Variants in ANK3 observed in about 807,000 individuals in gnomAD.
ANK3 encodes ankyrin 3.
A neutral mutation model predicts 370.9 loss-of-function variants in ANK3; 57 were observed. That is an observed-to-expected ratio of 0.15 (90% CI 0.12 to 0.19). ANK3 has a LOEUF of 0.19. Among genes scored for constraint, ANK3 ranks in the 10% least tolerant of loss-of-function variants. The pLI, the probability that ANK3 is intolerant of heterozygous loss-of-function variation, is 1.00. For missense variants in ANK3, 4,439 were observed against 5,302.1 expected, an observed-to-expected ratio of 0.84 and a Z score of 5.06; for synonymous variants, 1,929 against 1,946.3, an observed-to-expected ratio of 0.99 and a Z score of 0.23.
rs1589334091 is a variant in ANK3, at chr10:60,055,920, G to A, written c.12803C>T (p.Pro4268Leu). ...TPEAKTKSYFPESQNDVGKQS... is the reference protein window; with the variant it reads ...TPEAKTKSYFLESQNDVGKQS... ...TTTTCCTACATCATTTTGGGATTCT[G>A]GAAAGTAAGATTTTGTCTTTGCTTC... Residue 4268 changes from proline (P) to leucine (L), a missense_variant, in exon 42 of 44, where the codon CCA (proline) becomes CTA (leucine). Pro to Leu is a moderately conservative substitution (Grantham distance 98). Transcript: ENST00000280772. 6.2e-7 allele frequency: 1 copy of A among 1,614,102 alleles called. No individual in the cohort carries two copies. The highest frequency in any genetic ancestry group is 1.6e-4 in the Middle Eastern group (1 of 6,062).
chr10:60,589,653 C>G (rs1595327803), intron 2 of ANK3, among the ~76,000 whole-genome samples: 1 of 152,010 alleles, frequency 6.6e-6, no homozygotes, highest in Non-Finnish European at 1.5e-5. Context: ...TCCATAGAAA[C>G]AACAAAACTG....
intron 1 of ANK3, among the ~76,000 whole-genome samples, chr10:60,697,051 A>G (rs1290856824): frequency 6.7e-6 from 1 of 149,686 alleles, no homozygotes; most frequent in Non-Finnish European, 1.5e-5. Context: ...CAACTTCAGC[A>G]AAGTCTCAGG....
chr10:60,300,077 GGCCTTA>G (rs2043354343), intron 1 of ANK3, among the ~76,000 whole-genome samples: 1 of 152,086 alleles, frequency 6.6e-6, no homozygotes, highest in Non-Finnish European at 1.5e-5. Flanking sequence ...TCTTAAGGCA[GGCCTTA>G]GCTGAACTCA....
intron 2 of ANK3, among the ~76,000 whole-genome samples, chr10:60,398,906 TG>T (rs1386547699): frequency 1.3e-5 from 2 of 152,044 alleles, no homozygotes; most frequent in Non-Finnish European, 2.9e-5. Context: ...TCCCCTAGGG[TG>T]GGGAGAGGGC....
intron 2 of ANK3, among the ~76,000 whole-genome samples, chr10:60,519,582 T>C (rs948129638): frequency 1.3e-5 from 2 of 152,122 alleles, no homozygotes; most frequent in African/African-American, 4.8e-5. Context: ...AAATAGGTTA[T>C]TGGAGAAGAC....
intron 42 of ANK3, among the ~76,000 whole-genome samples, chr10:60,047,416 G>A (rs541286323): frequency 2.6e-5 from 4 of 152,284 alleles, no homozygotes; most frequent in South Asian, 4.1e-4. Context: ...TGATGGATAC[G>A]TTAAAACTTG....
intron 40 of ANK3, chr10:60,060,285 A>C (rs1252948682): frequency 4.2e-6 from 1 of 237,910 alleles, no homozygotes; most frequent in Non-Finnish European, 8.1e-6. Context: ...CAAAGTATGC[A>C]GACTAAATAT....
intron 2 of ANK3, among the ~76,000 whole-genome samples, chr10:60,469,006 T>TATATAC (rs1555377077): frequency 5.6e-5 from 6 of 108,018 alleles, no homozygotes; most frequent in African/African-American, 1.9e-4. Flanking sequence ...TGTATATATA[T>TATATAC]ATATATATAT....
chr10:60,413,470 C>A (rs2063600200), intron 2 of ANK3, among the ~76,000 whole-genome samples: 1 of 152,202 alleles, frequency 6.6e-6, no homozygotes, highest in African/African-American at 2.4e-5. Context: ...TATTGAGTAA[C>A]TTCTCTTCTC....
chr10:60,463,840 T>C (rs559992228), intron 2 of ANK3, among the ~76,000 whole-genome samples: 3 of 152,252 alleles, frequency 2.0e-5, no homozygotes, highest in Admixed American at 2.0e-4. Context: ...AGAAAGATTT[T>C]TTTTTGTGTG....
intron 9 of ANK3, among the ~76,000 whole-genome samples, chr10:60,209,030 G>A (rs2132444622): frequency 6.6e-6 from 1 of 152,102 alleles, no homozygotes; most frequent in South Asian, 2.1e-4. Flanking sequence ...AAATAAATAG[G>A]GTCAAAGGTA....
At chr10:60,203,210 G>C in intron 11 of ANK3, 110 bp from the exon 12 acceptor site, 2 of 650,710 alleles carry the variant, frequency 3.1e-6, no homozygotes, top group Non-Finnish European at 5.4e-6. Flanking sequence ...TTTAATGATC[G>C]GATTAGAAGA....
At chr10:60,197,410 G>A (rs10821699) in intron 14 of ANK3, among the ~76,000 whole-genome samples, 53,007 of 151,980 alleles carry the variant, frequency 0.35, 10,597 homozygotes, top group Non-Finnish European at 0.44. Context: ...CAGGGATTAC[G>A]GGGTCATCAG....
rs146217111 is a variant in ANK3 at position 60,322,829 on chromosome 10, G to T, written c.115-43190C>A. Among the ~76,000 whole-genome samples, 504 of 152,218 alleles carry T rather than the reference G, an allele frequency of 3.3e-3. 1 individual carries two copies. Among genetic ancestry groups the T allele is most frequent in the African/African-American group, 0.011 (467 of 41,524 alleles). ...AAAAAAATCTAGTGGTTGAATTTGGGGTATATTTTAAAGGCAGATCTGCTG... is the reference window on the plus strand; with the variant it reads ...AAAAAAATCTAGTGGTTGAATTTGGTGTATATTTTAAAGGCAGATCTGCTG... On this transcript the variant is annotated intron_variant, in intron 1 of 43. Coordinates refer to ENST00000280772, the MANE Select transcript of ANK3 (RefSeq NM_020987.5).
chr10:60,601,316 A>G (rs1333571655), intron 2 of ANK3, among the ~76,000 whole-genome samples: 1 of 137,444 alleles, frequency 7.3e-6, no homozygotes, highest in East Asian at 2.0e-4. Flanking sequence ...GGAAAGAGAG[A>G]AAAAAAAAAA....
At position 60,138,976 on chromosome 10, in the gene ANK3, G is replaced by T. The variant is rs768866559; in HGVS notation, c.2726C>A (p.Ala909Glu). The change falls in exon 24 of 44, where the codon GCG (alanine) becomes GAG (glutamate). Residue 909 changes from alanine (A) to glutamate (E), a missense_variant. Ala to Glu is a moderately radical substitution (Grantham distance 107). This residue lies in a region of ANK3 where 702 missense variants were observed against 941.5 expected (regional missense o/e 0.75). Transcript: ENST00000280772. ...AACAACGAAGTACCTGGCAGAACGC[G>T]CTCCGAGACTAAAGCCCATGTAACC... ...AEGYMGFSLG[A>E]RSASLRSFSS... The T allele has an allele frequency of 1.1e-5, 18 of 1,613,738 alleles. No homozygotes were observed. Among genetic ancestry groups the T allele is most frequent in the Non-Finnish European group, 1.4e-5 (17 of 1,179,864 alleles).
intron 2 of ANK3, among the ~76,000 whole-genome samples, chr10:60,409,039 A>C (rs1229840316): frequency 6.6e-6 from 1 of 152,226 alleles, no homozygotes; most frequent in Non-Finnish European, 1.5e-5. Context: ...CGATGTCAAT[A>C]TATCTGGGAA....
intron 1 of ANK3, among the ~76,000 whole-genome samples, chr10:60,329,699 G>T (rs2050744904): frequency 6.6e-6 from 1 of 152,130 alleles, no homozygotes; most frequent in South Asian, 2.1e-4. Context: ...TTGTGAAAAT[G>T]GCCATATTGC....
At chr10:60,247,117 G>A (rs10994276) in intron 7 of ANK3, among the ~76,000 whole-genome samples, 16,018 of 152,118 alleles carry the variant, frequency 0.11, 1,171 homozygotes, top group East Asian at 0.28. Context: ...CCAGGTTCAC[G>A]CCATTCTCCT....
Sources: gnomAD v4.1 joint callset for allele counts (sites outside exome capture counted in the v4.1 genomes callset) on GRCh38, gnomAD v4.1.1 for gene constraint, gnomAD v4.1.1 regional missense constraint, MANE v1.5 for transcripts, NCBI Gene and HGNC (gene_info 2026-07-23, HGNC 2026-07-21) for gene names.